The following SDK1 variants were observed in gnomAD, a reference collection of about 807,000 sequenced individuals.
SDK1 encodes the protein protein sidekick-1.
SDK1 carries 157 observed loss-of-function variants against 245.5 expected under a neutral mutation model. The ratio of observed to expected loss-of-function variants is 0.64; its 90% CI spans 0.56 to 0.73. The LOEUF is 0.73. Ranked by LOEUF, SDK1 falls within the 30% of genes least tolerant of loss-of-function variation. The pLI is 0.00. For missense variants in SDK1, 3,583 were observed against 3,002.3 expected (o/e 1.19, Z -4.52); for synonymous variants, 1,647 against 1,278.5 (o/e 1.29, Z -6.15).
At chr7:3,510,072 C>T (rs1461133452) in intron 1 of SDK1, among the ~76,000 whole-genome samples, 4 of 152,138 alleles carry the variant, frequency 2.6e-5, no homozygotes, top group African/African-American at 4.8e-5. Context: ...GAGGGGGCTC[C>T]CTTATTCTCT....
At chr7:3,886,570 G>C (rs887326662) in intron 5 of SDK1, among the ~76,000 whole-genome samples, 1 of 152,186 alleles carries the variant, frequency 6.6e-6, no homozygotes, top group African/African-American at 2.4e-5. Context: ...CAGTGAGCTT[G>C]GTTTCTGCCT....
At chr7:3,775,582 T>C (rs1433642538) in intron 4 of SDK1, among the ~76,000 whole-genome samples, 1 of 151,544 alleles carries the variant, frequency 6.6e-6, no homozygotes, top group Admixed American at 6.6e-5. Flanking sequence ...TTTCTTTTTT[T>C]TTTTTGAGAC....
intron 21 of SDK1, among the ~76,000 whole-genome samples, chr7:4,078,996 C>T (rs936174667): frequency 5.9e-5 from 9 of 152,162 alleles, no homozygotes; most frequent in East Asian, 1.9e-4. Context: ...CCGGGTGTCA[C>T]GCCGCCTGGG....
intron 1 of SDK1, among the ~76,000 whole-genome samples, chr7:3,616,711 C>G (rs1781783526): frequency 6.6e-6 from 1 of 152,016 alleles, no homozygotes; most frequent in Non-Finnish European, 1.5e-5. Flanking sequence ...ATATAGTGAT[C>G]AACAAAATGA....
At chr7:3,545,712 A>T (rs1175877036) in intron 1 of SDK1, among the ~76,000 whole-genome samples, 2 of 152,168 alleles carry the variant, frequency 1.3e-5, no homozygotes, top group Admixed American at 6.5e-5. Flanking sequence ...TGGGCACAGA[A>T]TTGGTTCTGT....
intron 1 of SDK1, among the ~76,000 whole-genome samples, chr7:3,500,099 G>C (rs1394041566): frequency 6.6e-6 from 1 of 152,070 alleles, no homozygotes; most frequent in African/African-American, 2.4e-5. Flanking sequence ...TGGGTGAGTG[G>C]GGTTTAGGGG....
intron 16 of SDK1, 56 bp downstream of exon 16, chr7:4,012,291 TCA>T: frequency 7.0e-7 from 1 of 1,425,466 alleles, no homozygotes; most frequent in Admixed American, 2.7e-5. Context: ...AGCGTCGATT[TCA>T]CAGAGGGTTG....
chr7:4,156,995 C>A (rs893484296), intron 30 of SDK1, among the ~76,000 whole-genome samples: 1 of 152,146 alleles, frequency 6.6e-6, no homozygotes, highest in Non-Finnish European at 1.5e-5. Flanking sequence ...GAGGATGGAG[C>A]CCTCATCTAT....
rs1788495957 is a variant in SDK1, at chr7:4,266,768, C to T, written c.*1384C>T. The T allele has an allele frequency of 5.1e-6, 5 of 985,382 alleles. No individual in the cohort carries two copies. Among genetic ancestry groups the T allele is most frequent in the Non-Finnish European group, 6.0e-6 (5 of 829,976 alleles). The allele number at this position is 985,382 out of a possible 1,614,324, so 61.0% of individuals were successfully genotyped here. On this transcript the variant is annotated 3_prime_UTR_variant, in exon 45 of 45. Transcript: ENST00000404826. Reference sequence around the variant, plus strand: ...CCCGGGTCTGGATGGAACGGGAGCACTGCTGGTGCCCACTGGCGTGTGTGC... The same window carrying T: ...CCCGGGTCTGGATGGAACGGGAGCATTGCTGGTGCCCACTGGCGTGTGTGC...
At chr7:3,468,824 C>T (rs1039605151) in intron 1 of SDK1, among the ~76,000 whole-genome samples, 3 of 152,080 alleles carry the variant, frequency 2.0e-5, no homozygotes, top group African/African-American at 7.2e-5. Flanking sequence ...ATTATGAAGG[C>T]CTCTGTGTAC....
chr7:3,439,888 G>A (rs1039086435), intron 1 of SDK1, among the ~76,000 whole-genome samples: 2 of 152,074 alleles, frequency 1.3e-5, no homozygotes, highest in Admixed American at 1.3e-4. Flanking sequence ...AGGCAGGTCA[G>A]ATTGGGATAA....
At chr7:4,103,001 A>C (rs1584139727) in intron 22 of SDK1, among the ~76,000 whole-genome samples, 1 of 143,804 alleles carries the variant, frequency 7.0e-6, no homozygotes, top group African/African-American at 2.5e-5. Flanking sequence ...CGGCTTCCCC[A>C]CAGAGCTTTT....
intron 44 of SDK1, among the ~76,000 whole-genome samples, chr7:4,247,521 T>C (rs1786965346): frequency 6.6e-6 from 1 of 152,224 alleles, no homozygotes; most frequent in Non-Finnish European, 1.5e-5. Flanking sequence ...CAGCAGGTTG[T>C]GCGGAGCAGG....
intron 20 of SDK1, 90 bp downstream of exon 20, chr7:4,068,026 A>C (rs936901975): frequency 9.0e-6 from 8 of 885,150 alleles, no homozygotes; most frequent in African/African-American, 3.3e-5. Context: ...TGCTGACAGC[A>C]TGGACCCGTG....
chr7:3,440,481 G>A (rs1253093414), intron 1 of SDK1, among the ~76,000 whole-genome samples: 2 of 152,076 alleles, frequency 1.3e-5, no homozygotes, highest in Non-Finnish European at 2.9e-5. Flanking sequence ...AGCCCCTCAG[G>A]ATTCATCTTG....
chr7:3,809,403 C>G (rs932724913), intron 4 of SDK1, among the ~76,000 whole-genome samples: 3 of 152,188 alleles, frequency 2.0e-5, no homozygotes, highest in Admixed American at 6.5e-5. Flanking sequence ...GGATGGAACA[C>G]AGATCCAGAC....
chr7:3,313,651 G>A (rs1779600501), intron 1 of SDK1, among the ~76,000 whole-genome samples: 1 of 152,194 alleles, frequency 6.6e-6, no homozygotes, highest in African/African-American at 2.4e-5. Context: ...TAACGGATTA[G>A]CGAGAGTGTA....
intron 22 of SDK1, among the ~76,000 whole-genome samples, chr7:4,103,053 T>C (rs1430126439): frequency 7.7e-6 from 1 of 130,718 alleles, no homozygotes; most frequent in Admixed American, 8.4e-5. Context: ...CAGGCTGGAG[T>C]GTAGTGGTGC....
Position 3,723,972 on chromosome 7 carries a change from AG to A in SDK1, c.713+81868del, listed in dbSNP as rs1307113050. On this transcript the variant is annotated intron_variant, in intron 4 of 44. Transcript: ENST00000404826. ...GAGAGAGAGAGAGAGAGAGAGAGAG[AG>A]AGAGAAAGAGAGAGAGAGTCTCACC... Among the ~76,000 whole-genome samples the A allele has an allele frequency of 6.0e-4, 89 of 149,528 alleles. 3 individuals are homozygous for A. Among genetic ancestry groups the A allele is most frequent in the African/African-American group, 2.1e-3 (85 of 40,732 alleles).
Sources: allele counts gnomAD v4.1 joint callset (sites outside exome capture counted in the v4.1 genomes callset), GRCh38; gene constraint gnomAD v4.1.1; transcripts MANE v1.5; gene names NCBI Gene and HGNC (gene_info 2026-07-23, HGNC 2026-07-21).